The following ABCC2 variants were observed in gnomAD, a reference collection of about 807,000 sequenced individuals.
The protein encoded by ABCC2 is ATP-binding cassette sub-family C member 2.
ABCC2 carries 157 observed loss-of-function variants against 173.4 expected under a neutral mutation model. That is an observed-to-expected ratio of 0.91 (90% CI 0.80 to 1.03). ABCC2 has a LOEUF of 1.03. Ranked by LOEUF, ABCC2 falls within the 50% of genes least tolerant of loss-of-function variation. ABCC2 has a pLI of 0.00. For synonymous variants in ABCC2, 657 were observed against 693.5 expected (o/e 0.95, Z 0.83); for missense variants, 1,822 against 1,852.3 (o/e 0.98, Z 0.30).
Position 99,845,753 on chromosome 10 carries a change from C to G in ABCC2, c.4117C>G (p.Leu1373Val). ...VDIASIGLHD[L>V]REKLTIIPQD... ...TATTGCTTCCATTGGGCTCCACGAC[C>G]TCCGAGAGAAGCTGACCATCATCCC... Residue 1373 changes from leucine to valine, a missense_variant, in exon 29 of 32, where the codon CTC becomes GTC. Coordinates refer to ENST00000647814, the MANE Select transcript of ABCC2 (RefSeq NM_000392.5). 2 of 1,613,440 alleles carry G rather than the reference C, an allele frequency of 1.2e-6. No individual in the cohort carries two copies. Among genetic ancestry groups the G allele is most frequent in the Non-Finnish European group, 1.7e-6 (2 of 1,179,854 alleles).
chr10:99,834,379 G>A lies in ABCC2; in HGVS notation c.3259-1G>A, dbSNP rs2038785200. On this transcript the variant is annotated splice_acceptor_variant, in intron 23 of 31. Transcript: ENST00000647814. LOFTEE classifies it high-confidence loss of function. ...TGTATCTCTCCTAATCGTTTTCCTA[G>A]GATATTTCCACAGTGGATGACACCC... is the stretch of plus-strand genomic sequence containing the variant. The A allele has an allele frequency of 6.2e-7, 1 of 1,613,892 alleles. No individual in the cohort carries two copies. The highest frequency in any genetic ancestry group is 8.5e-7 in the Non-Finnish European group (1 of 1,179,952).
At chr10:99,804,777 T>A (rs2038072060) in intron 10 of ABCC2, among the ~76,000 whole-genome samples, 1 of 152,242 alleles carries the variant, frequency 6.6e-6, no homozygotes, top group Admixed American at 6.5e-5. Flanking sequence ...ATTTATTCAC[T>A]CATTTGTTTT....
At chr10:99,785,542 A>T (rs1037070633) in intron 2 of ABCC2, among the ~76,000 whole-genome samples, 2 of 151,846 alleles carry the variant, frequency 1.3e-5, no homozygotes, top group African/African-American at 4.8e-5. Context: ...TTTTAAATGG[A>T]GTCTCACTCT....
At chr10:99,821,086 G>T (rs1564690045) in intron 19 of ABCC2, among the ~76,000 whole-genome samples, 1 of 152,164 alleles carries the variant, frequency 6.6e-6, no homozygotes, top group African/African-American at 2.4e-5. Context: ...AGGGTCAGCA[G>T]ACAAACACGT....
chr10:99,792,557 G>C lies in ABCC2; in HGVS notation c.333+198G>C, dbSNP rs118078637. Among the ~76,000 whole-genome samples the C allele has an allele frequency of 7.9e-3, 1,200 of 152,244 alleles. 11 individuals carry two copies. Among genetic ancestry groups the C allele is most frequent in the Non-Finnish European group, 0.012 (802 of 68,022 alleles). On this transcript the variant is annotated intron_variant, in intron 3 of 31. Coordinates refer to ENST00000647814, the MANE Select transcript of ABCC2 (RefSeq NM_000392.5). ...TTCATTTGAGCATTAATGTATAGAG[G>C]CTTCTTCCTAGGTTAAGTATTAGCT... is the stretch of plus-strand genomic sequence containing the variant.
chr10:99,807,497 C>T lies in ABCC2; in HGVS notation c.1644C>T (p.Phe548=), dbSNP rs758091787. The T allele has an allele frequency of 3.1e-6, 5 of 1,614,114 alleles. No homozygotes were observed. Among genetic ancestry groups the T allele is most frequent in the South Asian group, 1.1e-5 (1 of 91,076 alleles). ...AFSQLQCVVI[F]VFQLTPVLVS... ...GTCAACTACAGTGTGTAGTAATATT[C>T]GTCTTCCAGTTAACTCCAGTCCTGG... The change falls in exon 12 of 32, where the codon TTC becomes TTT. Residue 548 remains phenylalanine, a synonymous_variant. Coordinates refer to ENST00000647814, the MANE Select transcript of ABCC2 (RefSeq NM_000392.5).
chr10:99,843,889 G>T lies in ABCC2; in HGVS notation c.3832G>T (p.Val1278Leu), dbSNP rs2038979968. The change falls in exon 27 of 32, where the codon GTG becomes TTG. Residue 1278 changes from valine (V) to leucine (L), a missense_variant. Val to Leu is a conservative substitution (Grantham distance 32). Transcript: ENST00000647814. Reference protein sequence around the residue: ...AVERITEYTKVENEAPWVTDK... With the variant: ...AVERITEYTKLENEAPWVTDK... ...TGAGCGAATAACTGAGTACACAAAA[G>T]TGGAAAATGAGGTAAGGAGGAACTG... The T allele has an allele frequency of 2.5e-6, 4 of 1,614,038 alleles. No individual in the cohort carries two copies. In the East Asian group the frequency reaches 8.9e-5, roughly 36 times the overall value.
chr10:99,787,144 A>T (rs2037726101), intron 2 of ABCC2, among the ~76,000 whole-genome samples: 2 of 145,240 alleles, frequency 1.4e-5, no homozygotes, highest in African/African-American at 5.1e-5. Context: ...CTCCAGCTTC[A>T]GACTCTGTCT....
chr10:99,804,897 T>C (rs1342243591), intron 10 of ABCC2, among the ~76,000 whole-genome samples: 1 of 152,170 alleles, frequency 6.6e-6, no homozygotes, highest in African/African-American at 2.4e-5. Context: ...ACATTCTACC[T>C]GGTAGGGTGG....
At chr10:99,845,517 T>C in intron 28 of ABCC2, 107 bp from the exon 29 acceptor site, 5 of 1,382,894 alleles carry the variant, frequency 3.6e-6, no homozygotes, top group South Asian at 1.2e-5. Context: ...AGAGATGGAG[T>C]AGCCAGTCAC....
At chr10:99,841,335 G>C (rs535593237) in intron 25 of ABCC2, among the ~76,000 whole-genome samples, 7 of 152,060 alleles carry the variant, frequency 4.6e-5, no homozygotes, top group Non-Finnish European at 8.8e-5. Context: ...AGCAGAACAC[G>C]TGAGCCCAGG....
At chr10:99,807,628 C>A (rs1016842117) in intron 12 of ABCC2, 107 bp downstream of exon 12, 2 of 1,511,100 alleles carry the variant, frequency 1.3e-6, no homozygotes, top group Non-Finnish European at 1.8e-6. Context: ...TAGGCCTGAC[C>A]GCAAGATCCA....
Position 99,804,093 on chromosome 10 carries a change from C to T in ABCC2, c.1284C>T (p.Ala428=), listed in dbSNP as rs886435794. 3 of 1,614,036 alleles carry T rather than the reference C, an allele frequency of 1.9e-6. No individual in the cohort carries two copies. The highest frequency in any genetic ancestry group is 1.7e-6 in the Non-Finnish European group (2 of 1,179,998). Reference sequence around the variant, plus strand: ...CAGTGAACCTGATGTCTGTGGATGCCCAGAAGCTCATGGATGTGACCAACT... The same window carrying T: ...CAGTGAACCTGATGTCTGTGGATGCTCAGAAGCTCATGGATGTGACCAACT... The part of the protein sequence containing the change: ...GETVNLMSVD[A]QKLMDVTNFM... Residue 428 remains alanine (A), a synonymous_variant, in exon 10 of 32, where the codon GCC becomes GCT. Transcript: ENST00000647814.
chr10:99,827,100 C>T (rs976407391), intron 19 of ABCC2, among the ~76,000 whole-genome samples: 1 of 151,802 alleles, frequency 6.6e-6, no homozygotes, highest in African/African-American at 2.4e-5. Context: ...TGGCGCCCTG[C>T]CCTGTGGTGC....
At chr10:99,784,498 A>G (rs1448275590) in intron 1 of ABCC2, 110 bp from the exon 2 acceptor site, 3 of 1,134,058 alleles carry the variant, frequency 2.6e-6, no homozygotes, top group African/African-American at 3.0e-5. Flanking sequence ...AAGGCTGGAT[A>G]TGGATATGGA....
intron 11 of ABCC2, 98 bp from the exon 12 acceptor site, chr10:99,807,286 C>T: frequency 1.4e-6 from 2 of 1,461,866 alleles, no homozygotes; most frequent in Admixed American, 3.4e-5. Context: ...CTATTCCCCA[C>T]ATTTTGGGGA....
At chr10:99,813,359 G>A (rs1421882874) in intron 16 of ABCC2, among the ~76,000 whole-genome samples, 5 of 152,174 alleles carry the variant, frequency 3.3e-5, no homozygotes, top group Non-Finnish European at 7.3e-5. Flanking sequence ...GAGCTCTAAA[G>A]GTGATTCTCA....
At chr10:99,818,705 A>AT in intron 17 of ABCC2, 85 bp from the exon 18 acceptor site, 2 of 1,510,512 alleles carry the variant, frequency 1.3e-6, no homozygotes, top group South Asian at 2.3e-5. Context: ...ATTGAGACAA[A>AT]TTTCTTCCTT....
chr10:99,820,823 G>T (rs1481879715), intron 19 of ABCC2, among the ~76,000 whole-genome samples: 1 of 152,184 alleles, frequency 6.6e-6, no homozygotes, highest in Non-Finnish European at 1.5e-5. Flanking sequence ...GAAGGGGTGG[G>T]TTGCCCCTCC....
Sources: gnomAD v4.1 joint callset for allele counts (sites outside exome capture counted in the v4.1 genomes callset) on GRCh38, gnomAD v4.1.1 for gene constraint, MANE v1.5 for transcripts, NCBI Gene and HGNC (gene_info 2026-07-23, HGNC 2026-07-21) for gene names.